The following SMIM9 variants were observed in gnomAD, a reference collection of about 807,000 sequenced individuals.
The protein encoded by SMIM9 is small integral membrane protein 9, also known as chromosome X open reading frame 68.
Under a neutral mutation model 7.2 loss-of-function variants are expected in SMIM9, and 8 were observed. The observed-to-expected ratio is 1.10, with a 90% CI of 0.65 to 1.99. The LOEUF is 1.99. Among genes scored for constraint, SMIM9 ranks in the 30% most tolerant of loss-of-function variants. The pLI, the probability that SMIM9 is intolerant of heterozygous loss-of-function variation, is 0.00. For synonymous variants in SMIM9, 19 were observed against 26.4 expected (o/e 0.72, Z 0.86); for missense variants, 76 against 69.3 (o/e 1.10, Z -0.34).
chrX:154,824,080 G>A (rs112920627), intron 4 of SMIM9, among the ~76,000 whole-genome samples: 4,197 of 110,844 alleles, frequency 0.038, 96 homozygotes, highest in Non-Finnish European at 0.059. Context: ...AAAGTGGGCC[G>A]GGCGCGGTGG....
chrX:154,834,032 TA>T (rs1200466081), intron 1 of SMIM9, among the ~76,000 whole-genome samples: 1 of 111,910 alleles, frequency 8.9e-6, no homozygotes, highest in African/African-American at 3.2e-5. Flanking sequence ...CAGGCGCTGA[TA>T]AAGGTGTATC....
chrX:154,824,669 CT>C (rs1335049616), intron 4 of SMIM9, among the ~76,000 whole-genome samples: 1 of 112,214 alleles, frequency 8.9e-6, no homozygotes, highest in Non-Finnish European at 1.9e-5. Flanking sequence ...GCAATACTTT[CT>C]TTAGCTAGCC....
At chrX:154,833,273 C>T (rs1285421126) in intron 1 of SMIM9, among the ~76,000 whole-genome samples, 1 of 112,230 alleles carries the variant, frequency 8.9e-6, no homozygotes, top group Non-Finnish European at 1.9e-5. Flanking sequence ...ACAGCATATA[C>T]GACAGACATT....
chrX:154,829,720 G>A, intron 3 of SMIM9, 56 bp from the exon 4 acceptor site: 1 of 1,119,711 alleles, frequency 8.9e-7, no homozygotes, highest in Non-Finnish European at 1.2e-6. Flanking sequence ...GATAGGGCTG[G>A]CGTTTGAATC....
chrX:154,830,463 T>A (rs781967549), intron 3 of SMIM9: 22 of 259,051 alleles, frequency 8.5e-5, no homozygotes, highest in Non-Finnish European at 1.4e-4. Flanking sequence ...TTGGCATCTA[T>A]GGCTTTGTCT....
intron 4 of SMIM9, among the ~76,000 whole-genome samples, chrX:154,826,945 C>G (rs149847824): frequency 7.4e-4 from 83 of 112,661 alleles, no homozygotes; most frequent in Non-Finnish European, 1.3e-3. Flanking sequence ...CAACAAACTG[C>G]TTCTTAAAAA....
intron 2 of SMIM9, among the ~76,000 whole-genome samples, chrX:154,831,994 T>C (rs961059904): frequency 9.0e-6 from 1 of 111,366 alleles, no homozygotes; most frequent in African/African-American, 3.3e-5. Context: ...TACTTTATTA[T>C]ATGTATCTCC....
chrX:154,830,126 A>AG (rs1411852789), intron 3 of SMIM9, among the ~76,000 whole-genome samples: 1 of 111,426 alleles, frequency 9.0e-6, no homozygotes, highest in Non-Finnish European at 1.9e-5. Context: ...AAGGACCTCT[A>AG]GGGGGAGTTT....
intron 1 of SMIM9, among the ~76,000 whole-genome samples, chrX:154,833,656 C>T (rs1034538607): frequency 2.7e-5 from 3 of 109,613 alleles, no homozygotes; most frequent in Non-Finnish European, 5.7e-5. Flanking sequence ...ACCCAACCAC[C>T]GTGGCACATG....
In SMIM9 at chrX:154,828,288, T is replaced by A. The variant is rs148241814; in HGVS notation, c.272+1247A>T. 1.7e-4 allele frequency among the ~76,000 whole-genome samples: 19 copies of A among 111,067 alleles called. 1 individual carries two copies. In the East Asian group the frequency reaches 5.4e-3, roughly 31 times the overall value. ...GACCTATGAACTAAAACGAGTTATA[T>A]GCTCCTGATCTCCACACCCCAGAAT... On this transcript the variant is annotated intron_variant, in intron 4 of 4. Coordinates refer to ENST00000369529, the MANE Select transcript of SMIM9 (RefSeq NM_001162936.4).
At chrX:154,825,391 CAAAAAA>C (rs35510627) in intron 4 of SMIM9, among the ~76,000 whole-genome samples, 1 of 71,707 alleles carries the variant, frequency 1.4e-5, no homozygotes, top group South Asian at 7.5e-4. Flanking sequence ...GACTTCACCT[CAAAAAA>C]AAAAAAAAAA....
chrX:154,832,368 T>C, intron 2 of SMIM9, among the ~76,000 whole-genome samples: 1 of 112,130 alleles, frequency 8.9e-6, no homozygotes, highest in Non-Finnish European at 1.9e-5. Context: ...TTAAGAAATG[T>C]TGCCTGAAGT....
In SMIM9 at chrX:154,829,682, A is replaced by C. The variant is rs2072436339; in HGVS notation, c.143-18T>G. The C allele has an allele frequency of 8.6e-7, 1 of 1,165,926 alleles. No individual in the cohort carries two copies. Among genetic ancestry groups the C allele is most frequent in the Non-Finnish European group, 1.1e-6 (1 of 871,812 alleles). ...GTGATTACCTGCAGAAAGAGCATAG[A>C]CATTCATTGAGGAGAGGTCAAGTAA... On this transcript the variant is annotated intron_variant, in intron 3 of 4. Coordinates refer to ENST00000369529, the MANE Select transcript of SMIM9 (RefSeq NM_001162936.4).
intron 4 of SMIM9, among the ~76,000 whole-genome samples, chrX:154,827,823 C>T (rs1283211945): frequency 8.9e-6 from 1 of 111,817 alleles, no homozygotes; most frequent in African/African-American, 3.3e-5. Flanking sequence ...TTGAGAAAGG[C>T]CTTATTTCCC....
chrX:154,827,036 C>G (rs1226386845), intron 4 of SMIM9, among the ~76,000 whole-genome samples: 1 of 112,769 alleles, frequency 8.9e-6, no homozygotes, highest in Non-Finnish European at 1.9e-5. Flanking sequence ...AGAAATGTTT[C>G]TTTCACTAGT....
rs1557270033 is a variant in SMIM9 at position 154,823,732 on chromosome X, G to A, written c.*23C>T. ...GAGTCCAACTGGAGAGACCACACTT[G>A]CCCTGTTGAATCTTCTAGTTCTTCA... On this transcript the variant is annotated 3_prime_UTR_variant, in exon 5 of 5. Transcript: ENST00000369529. The A allele has an allele frequency of 8.7e-7, 1 of 1,155,796 alleles. No individual in the cohort carries two copies. The highest frequency in any genetic ancestry group is 2.7e-5 in the Admixed American group (1 of 36,710).
At chrX:154,826,599 T>C (rs1198360230) in intron 4 of SMIM9, among the ~76,000 whole-genome samples, 1 of 112,655 alleles carries the variant, frequency 8.9e-6, no homozygotes, top group Admixed American at 9.4e-5. Flanking sequence ...TTTGAATTTA[T>C]GGCAATATGT....
Position 154,830,853 on chromosome X carries a change from C to T in SMIM9, c.4G>A (p.Glu2Lys), listed in dbSNP as rs891112446. M[E>K]PQKLLIIGFL... is the part of the protein sequence containing the mutation. Reference sequence around the variant, plus strand: ...CCAATTATCAGCAGCTTCTGGGGTTCCATGGACTCCCGCCTTCAGCTGCGG... The same window carrying T: ...CCAATTATCAGCAGCTTCTGGGGTTTCATGGACTCCCGCCTTCAGCTGCGG... Residue 2 changes from glutamate to lysine, a missense_variant, in exon 3 of 5, where the codon GAA (glutamate) becomes AAA (lysine). Glu to Lys is a moderately conservative substitution (Grantham distance 56). Coordinates refer to ENST00000369529, the MANE Select transcript of SMIM9 (RefSeq NM_001162936.4). The T allele has an allele frequency of 8.6e-6, 10 of 1,163,589 alleles. No individual in the cohort carries two copies. In the African/African-American group the frequency reaches 1.8e-4, roughly 21 times the overall value.
chrX:154,833,091 T>C (rs2072451521), intron 1 of SMIM9, among the ~76,000 whole-genome samples: 1 of 111,773 alleles, frequency 8.9e-6, no homozygotes, highest in Non-Finnish European at 1.9e-5. Context: ...GAAAATTCTA[T>C]GTGTGGATAT....
Sources: gnomAD v4.1 joint callset for allele counts (sites outside exome capture counted in the v4.1 genomes callset) on GRCh38, gnomAD v4.1.1 for gene constraint, MANE v1.5 for transcripts, NCBI Gene and HGNC (gene_info 2026-07-23, HGNC 2026-07-21) for gene names.